The following TOX3 variants were observed in gnomAD, a reference collection of about 807,000 sequenced individuals.
TOX3 encodes TOX high mobility group box family member 3, also known as CAG trinucleotide repeat-containing gene F9 protein.
Under a neutral mutation model 64.3 loss-of-function variants are expected in TOX3, and 22 were observed. The observed-to-expected ratio is 0.34, with a 90% CI of 0.24 to 0.49. The LOEUF is 0.49. TOX3 is among the 20% of genes least tolerant of loss of function. The probability of loss-of-function intolerance (pLI) is 0.99; values close to 1 mark genes in which losing one functional copy is unlikely to be tolerated. For missense variants in TOX3, 661 were observed against 714.4 expected (o/e 0.93, Z 0.85); for synonymous variants, 291 against 273.6 (o/e 1.06, Z -0.63).
At chr16:52,467,822 T>C (rs1960914774) in intron 2 of TOX3, among the ~76,000 whole-genome samples, 1 of 152,202 alleles carries the variant, frequency 6.6e-6, no homozygotes, top group South Asian at 2.1e-4. Context: ...TGATGCTTGT[T>C]TCATCTGCAC....
At chr16:52,513,115 A>G (rs1232250172) in intron 1 of TOX3, among the ~76,000 whole-genome samples, 1 of 152,246 alleles carries the variant, frequency 6.6e-6, no homozygotes, top group Non-Finnish European at 1.5e-5. Flanking sequence ...AGAAAAAAGA[A>G]GTCCAGGCAC....
intron 3 of TOX3, among the ~76,000 whole-genome samples, chr16:52,458,759 A>C (rs561629997): frequency 2.3e-4 from 35 of 152,188 alleles, no homozygotes; most frequent in Non-Finnish European, 4.1e-4. Context: ...ACAGGCCAAG[A>C]ATAAAGAATA....
intron 6 of TOX3, among the ~76,000 whole-genome samples, chr16:52,441,998 A>G (rs1031561911): frequency 2.0e-5 from 3 of 152,172 alleles, no homozygotes; most frequent in African/African-American, 7.2e-5. Context: ...ATTCTTATAT[A>G]CTCTAGTAGT....
At chr16:52,518,590 A>G (rs919415429) in intron 1 of TOX3, among the ~76,000 whole-genome samples, 6 of 152,226 alleles carry the variant, frequency 3.9e-5, no homozygotes, top group African/African-American at 1.4e-4. Context: ...ATCCTAGTAC[A>G]GCTTTAATAT....
intron 1 of TOX3, among the ~76,000 whole-genome samples, chr16:52,507,597 C>A (rs1254109096): frequency 6.6e-6 from 1 of 152,072 alleles, no homozygotes; most frequent in Non-Finnish European, 1.5e-5. Context: ...ATGCACACAG[C>A]TTGGTAAGCA....
In TOX3 at chr16:52,439,849, T is replaced by A. The variant is rs775046900; in HGVS notation, c.1107A>T (p.Ser369=). The A allele has an allele frequency of 6.2e-7, 1 of 1,613,730 alleles. No individual in the cohort carries two copies. Among genetic ancestry groups the A allele is most frequent in the Admixed American group, 1.7e-5 (1 of 59,986 alleles). The change falls in exon 7 of 7, where the codon TCA becomes TCT. Residue 369 remains serine (S), a synonymous_variant. Transcript: ENST00000219746. The stretch of plus-strand genomic sequence containing the variant: ...ATTGCTGGAGAGTCTGAGGTGATGC[T>A]GACACTGTTCCATGTTGAGACAGTG... ...NTPLSQHGTV[S]ASPQTLQQSL...
intron 1 of TOX3, among the ~76,000 whole-genome samples, chr16:52,470,656 T>A (rs1045654962): frequency 1.3e-5 from 2 of 152,190 alleles, no homozygotes; most frequent in African/African-American, 4.8e-5. Context: ...ATCCATTAAT[T>A]AGTATTTGCC....
chr16:52,510,671 G>T (rs45562631), intron 1 of TOX3, among the ~76,000 whole-genome samples: 3 of 147,168 alleles, frequency 2.0e-5, no homozygotes, highest in Non-Finnish European at 3.0e-5. Context: ...CAGGAGAACC[G>T]CTTGAACCTG....
intron 1 of TOX3, among the ~76,000 whole-genome samples, chr16:52,517,569 G>C (rs1029164696): frequency 6.6e-5 from 10 of 151,872 alleles, no homozygotes; most frequent in African/African-American, 2.4e-4. Context: ...ATTTATGAAG[G>C]ATAAAATATC....
intron 3 of TOX3, among the ~76,000 whole-genome samples, chr16:52,455,808 G>A (rs983600699): frequency 6.6e-6 from 1 of 152,160 alleles, no homozygotes; most frequent in Non-Finnish European, 1.5e-5. Context: ...ATGAAAAGGT[G>A]GACAGGAAAG....
At chr16:52,515,135 G>A (rs1442025465) in intron 1 of TOX3, among the ~76,000 whole-genome samples, 1 of 146,270 alleles carries the variant, frequency 6.8e-6, no homozygotes, top group Non-Finnish European at 1.5e-5. Flanking sequence ...TTTAATTTCT[G>A]AGTGAATAAA....
intron 1 of TOX3, among the ~76,000 whole-genome samples, chr16:52,478,431 T>C (rs1281997385): frequency 1.3e-5 from 2 of 152,212 alleles, no homozygotes; most frequent in South Asian, 2.1e-4. Flanking sequence ...TCAGCTTAGC[T>C]AAAAGGACCT....
intron 4 of TOX3, among the ~76,000 whole-genome samples, chr16:52,446,750 A>G (rs562480105): frequency 1.5e-4 from 23 of 152,274 alleles, no homozygotes; most frequent in East Asian, 9.6e-4. Context: ...CAGAAATTCA[A>G]ATGGAAGTTA....
chr16:52,461,255 A>G (rs1960677925), intron 3 of TOX3, among the ~76,000 whole-genome samples: 1 of 152,188 alleles, frequency 6.6e-6, no homozygotes, highest in Non-Finnish European at 1.5e-5. Flanking sequence ...CTTGCCAACC[A>G]CATCCTGTTT....
chr16:52,524,336 A>G (rs1203776548), intron 1 of TOX3, among the ~76,000 whole-genome samples: 2 of 152,234 alleles, frequency 1.3e-5, no homozygotes, highest in East Asian at 3.8e-4. Flanking sequence ...AAGACTTTAG[A>G]CTGCCTGAAA....
chr16:52,451,250 A>G (rs1038710674), intron 3 of TOX3, among the ~76,000 whole-genome samples: 4 of 152,002 alleles, frequency 2.6e-5, no homozygotes, highest in Admixed American at 2.6e-4. Context: ...CACTTTTTTC[A>G]CTTAAACTTA....
chr16:52,537,695 T>C (rs1425694844), intron 1 of TOX3, among the ~76,000 whole-genome samples: 1 of 152,064 alleles, frequency 6.6e-6, no homozygotes, highest in Non-Finnish European at 1.5e-5. Context: ...CCCACTGGTA[T>C]GCCTACGTGG....
rs754057654 is a variant in TOX3 at position 52,439,806 on chromosome 16, C to T, written c.1150G>A (p.Ala384Thr). 3.7e-6 allele frequency: 6 copies of T among 1,613,798 alleles called. No homozygotes were observed. Among genetic ancestry groups the T allele is most frequent in the South Asian group, 3.3e-5 (3 of 91,074 alleles). ...TLQQSLPRSI[A>T]PKPLTMRLPM... is the part of the protein sequence containing the mutation. ...AGTCTCATGGTTAAGGGTTTGGGAGCGATTGACCTAGGGAGGGATTGCTGG... is the reference window on the plus strand; with the variant it reads ...AGTCTCATGGTTAAGGGTTTGGGAGTGATTGACCTAGGGAGGGATTGCTGG... The change falls in exon 7 of 7, where the codon GCT (alanine) becomes ACT (threonine). Residue 384 changes from alanine to threonine, a missense_variant. Ala to Thr is a moderately conservative substitution (Grantham distance 58). This residue lies in a region of TOX3 where 299 missense variants were observed against 292.1 expected (regional missense o/e 1.02). Transcript: ENST00000219746.
intron 1 of TOX3, among the ~76,000 whole-genome samples, chr16:52,540,110 G>A (rs1009592774): frequency 6.6e-6 from 1 of 152,052 alleles, no homozygotes; most frequent in Admixed American, 6.5e-5. Flanking sequence ...TGGGCGCAGT[G>A]GTTCACACCT....
Sources: gnomAD v4.1 joint callset for allele counts (sites outside exome capture counted in the v4.1 genomes callset) on GRCh38, gnomAD v4.1.1 for gene constraint, gnomAD v4.1.1 regional missense constraint, MANE v1.5 for transcripts, NCBI Gene and HGNC (gene_info 2026-07-23, HGNC 2026-07-21) for gene names.